Variants in SIPA1L2 observed in about 807,000 individuals in gnomAD.
The protein encoded by SIPA1L2 is signal-induced proliferation-associated 1-like protein 2.
In SIPA1L2, 56 loss-of-function variants were observed where a neutral mutation model predicts 163.9. That is an observed-to-expected ratio of 0.34 (90% CI 0.28 to 0.43). The LOEUF (loss-of-function observed/expected upper bound fraction) is 0.43, where lower values mean the gene tolerates loss of function less well. Ranked by LOEUF, SIPA1L2 falls within the 20% of genes least tolerant of loss-of-function variation. The pLI is 1.00. For missense variants in SIPA1L2, 1,974 were observed against 2,193.5 expected (o/e 0.90, Z 2.00); for synonymous variants, 877 against 865.7 (o/e 1.01, Z -0.23).
At position 232,442,092 on chromosome 1, in the gene SIPA1L2, C is replaced by T. The variant is rs893430285; in HGVS notation, c.3438-224G>A. Among the ~76,000 whole-genome samples the T allele has an allele frequency of 2.0e-5, 3 of 151,932 alleles. 1 individual carries two copies. The highest frequency in any genetic ancestry group is 4.2e-4 in the South Asian group (2 of 4,812). ...TAACCAGAGGGTCAGAAAAAGCAGC[C>T]GGATGATAGCCATTTACAGATAAAG... On this transcript the variant is annotated intron_variant, in intron 12 of 22. Transcript: ENST00000674635.
At chr1:232,476,406 C>T (rs1258179246) in intron 7 of SIPA1L2, among the ~76,000 whole-genome samples, 1 of 152,140 alleles carries the variant, frequency 6.6e-6, no homozygotes. Flanking sequence ...TACTGTGTGC[C>T]AGGCACTGAG....
chr1:232,476,909 C>T (rs1173366287), intron 7 of SIPA1L2, among the ~76,000 whole-genome samples: 1 of 152,188 alleles, frequency 6.6e-6, no homozygotes, highest in Non-Finnish European at 1.5e-5. Flanking sequence ...AGGCACAATT[C>T]ATGTAGGGGC....
rs975680689 is a variant in SIPA1L2 at position 232,597,739 on chromosome 1, A to G, written c.-318-23517T>C. Among the ~76,000 whole-genome samples, 8 of 150,064 alleles carry G rather than the reference A, an allele frequency of 5.3e-5. No individual in the cohort carries two copies. The East Asian group carries it at 1.4e-3, about 26-fold the overall frequency. Reference sequence around the variant, plus strand: ...AAGTAACAAGATTTGATCTGGACTCAGAAGAATCACTCAGGCCCCTACTGT... The same window carrying G: ...AAGTAACAAGATTTGATCTGGACTCGGAAGAATCACTCAGGCCCCTACTGT... On this transcript the variant is annotated intron_variant, in intron 1 of 22. Transcript: ENST00000674635.
At position 232,404,173 on chromosome 1, in the gene SIPA1L2, C is replaced by G; in HGVS notation, c.4768G>C (p.Asp1590His). 1 of 1,613,966 alleles carries G rather than the reference C, an allele frequency of 6.2e-7. No homozygotes were observed. The highest frequency in any genetic ancestry group is 1.1e-5 in the South Asian group (1 of 91,048). ...VDAARAFEGL[D>H]SDEELGLLCH... ...AGCAGCCCCAGTTCTTCATCTGAGT[C>G]AAGACCTGAAATAAGATTTAGAATT... Residue 1590 changes from aspartate (D) to histidine (H), a missense_variant, in exon 20 of 23, where the codon GAC becomes CAC. Asp to His is a moderately conservative substitution (Grantham distance 81). This residue lies in a region of SIPA1L2 where 1,079 missense variants were observed against 1,150.7 expected (regional missense o/e 0.94). Coordinates refer to ENST00000674635, the MANE Select transcript of SIPA1L2 (RefSeq NM_020808.5).
At chr1:232,503,687 G>T (rs1344007380) in intron 3 of SIPA1L2, among the ~76,000 whole-genome samples, 1 of 152,176 alleles carries the variant, frequency 6.6e-6, no homozygotes, top group East Asian at 1.9e-4. Flanking sequence ...CATTTTAAAG[G>T]TTCTTTGTTC....
chr1:232,425,520 A>C, intron 18 of SIPA1L2, 69 bp downstream of exon 18: 1 of 1,232,424 alleles, frequency 8.1e-7, no homozygotes, highest in Non-Finnish European at 1.1e-6. Context: ...CTCAGAGCTC[A>C]ATGAGGCAGG....
chr1:232,581,956 C>T (rs1660400642), intron 1 of SIPA1L2, among the ~76,000 whole-genome samples: 2 of 152,330 alleles, frequency 1.3e-5, no homozygotes, highest in East Asian at 3.9e-4. Context: ...ACTTAGAATA[C>T]TACTTGTACC....
intron 1 of SIPA1L2, among the ~76,000 whole-genome samples, chr1:232,574,855 C>G (rs1045139671): frequency 2.0e-5 from 3 of 152,164 alleles, no homozygotes; most frequent in Non-Finnish European, 4.4e-5. Context: ...GTACTAGACA[C>G]TCTACTAAAA....
chr1:232,465,390 A>G lies in SIPA1L2; in HGVS notation c.2270T>C (p.Val757Ala), dbSNP rs1402986276. ...YSVGVSRSKD[V>A]PPFGPPIPKG... ...GGGAATCGGTGGGCCAAATGGTGGC[A>G]CATCTTTTGATCTGGAAACTCCAAC... is the stretch of plus-strand genomic sequence containing the variant. Residue 757 changes from valine to alanine, a missense_variant, in exon 9 of 23, where the codon GTG becomes GCG. By Grantham distance (64) the Val-to-Ala change is moderately conservative. This residue lies in a region of SIPA1L2 where 288 missense variants were observed against 418.9 expected (regional missense o/e 0.69). Transcript: ENST00000674635. The surrounding 1 kb of genome is among the most constrained non-coding windows in gnomAD (Gnocchi z 4.1). 6.2e-7 allele frequency: 1 copy of G among 1,610,906 alleles called. No homozygotes were observed.
intron 1 of SIPA1L2, among the ~76,000 whole-genome samples, chr1:232,608,582 C>T (rs1662085831): frequency 6.6e-6 from 1 of 152,170 alleles, no homozygotes; most frequent in Non-Finnish European, 1.5e-5. Context: ...TAACATGGTC[C>T]TCCTCTCTCA....
In SIPA1L2 at chr1:232,514,130, C is replaced by T. The variant is rs1198501027; in HGVS notation, c.1210G>A (p.Asp404Asn). The change falls in exon 3 of 23, where the codon GAC (aspartate) becomes AAC (asparagine). Residue 404 changes from aspartate (D) to asparagine (N), a missense_variant. By Grantham distance (23) the Asp-to-Asn change is conservative. Around this residue, in one of 3 missense-constraint regions of SIPA1L2, gnomAD observed 607 missense variants for 624.0 expected, o/e 0.97. Transcript: ENST00000674635. ...DADEGDGKSNDLVLSCPYFRN... is the reference protein window; with the variant it reads ...DADEGDGKSNNLVLSCPYFRN... ...AAGTAAGGACAACTAAGGACGAGGT[C>T]GTTACTTTTCCCATCACCCTCATCG... 15 of 1,614,182 alleles carry T rather than the reference C, an allele frequency of 9.3e-6. No individual in the cohort carries two copies. The highest frequency in any genetic ancestry group is 1.7e-5 in the Admixed American group (1 of 60,032).
At chr1:232,448,754 G>C (rs1358644725) in intron 10 of SIPA1L2, among the ~76,000 whole-genome samples, 1 of 152,192 alleles carries the variant, frequency 6.6e-6, no homozygotes, top group Non-Finnish European at 1.5e-5. Context: ...AGTGACAAGG[G>C]AGATTTAGGC....
At chr1:232,511,890 C>A (rs10458346) in intron 3 of SIPA1L2, among the ~76,000 whole-genome samples, 131,636 of 152,200 alleles carry the variant, frequency 0.86, 57,619 homozygotes, top group Middle Eastern at 0.94. Flanking sequence ...TCTAATTAAA[C>A]TAAAGAGCTT....
intron 5 of SIPA1L2, among the ~76,000 whole-genome samples, chr1:232,484,239 A>T (rs534900642): frequency 6.6e-6 from 1 of 152,340 alleles, no homozygotes; most frequent in South Asian, 2.1e-4. Flanking sequence ...GTTTCCAAAA[A>T]GGATAGGAAG....
rs562342059 is a variant in SIPA1L2 at position 232,459,941 on chromosome 1, C to T, written c.3095+946G>A. Reference sequence around the variant, plus strand: ...GAGGTAGGCGATATAATAATCCCATCTTACAGAGAGTAAGTGAGACTTAGA... The same window carrying T: ...GAGGTAGGCGATATAATAATCCCATTTTACAGAGAGTAAGTGAGACTTAGA... On this transcript the variant is annotated intron_variant, in intron 10 of 22. Coordinates refer to ENST00000674635, the MANE Select transcript of SIPA1L2 (RefSeq NM_020808.5). 3.7e-4 allele frequency among the ~76,000 whole-genome samples: 56 copies of T among 152,310 alleles called. No homozygotes were observed. The South Asian group carries it at 5.8e-3, about 16-fold the overall frequency.
chr1:232,499,182 A>T (rs2103013068), intron 3 of SIPA1L2, among the ~76,000 whole-genome samples: 1 of 152,332 alleles, frequency 6.6e-6, no homozygotes, highest in East Asian at 1.9e-4. Flanking sequence ...AAAATGAAAG[A>T]AGAGTCACAC....
At chr1:232,437,081 A>G (rs909490947) in intron 15 of SIPA1L2, among the ~76,000 whole-genome samples, 4 of 152,212 alleles carry the variant, frequency 2.6e-5, no homozygotes, top group East Asian at 3.8e-4. Context: ...AAATTTGCCA[A>G]TGGTTAAGGT....
chr1:232,427,420 C>T (rs1661966145), intron 17 of SIPA1L2, among the ~76,000 whole-genome samples: 1 of 152,178 alleles, frequency 6.6e-6, no homozygotes, highest in East Asian at 1.9e-4. Flanking sequence ...AGCACAAAGA[C>T]CTGCAGTTTA....
chr1:232,565,031 C>T (rs910209931), intron 2 of SIPA1L2, among the ~76,000 whole-genome samples: 5 of 152,106 alleles, frequency 3.3e-5, no homozygotes, highest in African/African-American at 9.7e-5. Context: ...TAAACCGGCA[C>T]GTTCTGTGCT....
Sources: gnomAD v4.1 joint callset for allele counts (sites outside exome capture counted in the v4.1 genomes callset) on GRCh38, gnomAD v4.1.1 for gene constraint, gnomAD v4.1.1 regional missense constraint, Gnocchi (gnomAD v3.1) non-coding constraint, MANE v1.5 for transcripts, NCBI Gene and HGNC (gene_info 2026-07-23, HGNC 2026-07-21) for gene names.